The following KLF17 variants were observed in gnomAD, a reference collection of about 807,000 sequenced individuals.
The protein encoded by KLF17 is Krueppel-like factor 17.
In KLF17, 31 loss-of-function variants were observed where a neutral mutation model predicts 34.2. That is an observed-to-expected ratio of 0.91 (90% CI 0.68 to 1.22). The LOEUF is 1.22. KLF17 is among the 50% of genes most tolerant of loss of function. The pLI is 0.00. For missense variants in KLF17, 478 were observed against 505.2 expected (o/e 0.95, Z 0.52); for synonymous variants, 179 against 186.7 (o/e 0.96, Z 0.34).
At chr1:44,130,830 T>C in intron 3 of KLF17, 74 bp downstream of exon 3, 1 of 1,457,976 alleles carries the variant, frequency 6.9e-7, no homozygotes. Flanking sequence ...GGAGTCTCAC[T>C]CTGTCTCCCA....
At chr1:44,114,993 C>T (rs576655187), upstream of KLF17, 1 of 152,290 alleles carries the variant, frequency 6.6e-6, no homozygotes, top group East Asian at 1.9e-4. Context: ...AGGCAAGGGT[C>T]ACATCTCCTA....
the KLF17 span, chr1:44,052,073 C>G: frequency 2.6e-5 from 4 of 152,160 alleles, no homozygotes; most frequent in Non-Finnish European, 4.4e-5. Context: ...TTTGGGTTAC[C>G]TAGAAGTCTG....
At chr1:44,093,763 G>A in the KLF17 span, among the ~76,000 whole-genome samples, 22 of 152,330 alleles carry the variant, frequency 1.4e-4, no homozygotes, top group African/African-American at 4.8e-4. Context: ...ACCTCTGGAG[G>A]AGGGTTTGTG....
chr1:44,087,724 T>TTA, the KLF17 span, among the ~76,000 whole-genome samples: 364 of 75,426 alleles, frequency 4.8e-3, no homozygotes, highest in Middle Eastern at 7.6e-3. Flanking sequence ...CCTATATATT[T>TTA]TATATATATA....
At chr1:44,094,471 T>C in the KLF17 span, among the ~76,000 whole-genome samples, 1 of 152,184 alleles carries the variant, frequency 6.6e-6, no homozygotes, top group Non-Finnish European at 1.5e-5. Flanking sequence ...GGTTTCATAG[T>C]TTCCGGTCTT....
the KLF17 span, among the ~76,000 whole-genome samples, chr1:44,063,666 A>G: frequency 6.6e-6 from 1 of 152,236 alleles, no homozygotes; most frequent in Non-Finnish European, 1.5e-5. Flanking sequence ...ACAGCTTGAG[A>G]ATAATAACAT....
At chr1:44,100,617 G>C in the KLF17 span, among the ~76,000 whole-genome samples, 13,417 of 150,058 alleles carry the variant, frequency 0.089, 635 homozygotes, top group Non-Finnish European at 0.1. Context: ...GCACTTGGCT[G>C]TTTTGTTTTT....
chr1:44,061,390 A>G, the KLF17 span, among the ~76,000 whole-genome samples: 145 of 152,270 alleles, frequency 9.5e-4, no homozygotes, highest in East Asian at 5.8e-3. Context: ...GGCAGGACTC[A>G]ACTCTGGAGG....
intron 1 of KLF17, among the ~76,000 whole-genome samples, chr1:44,122,886 A>C (rs1005771075): frequency 6.6e-6 from 1 of 152,204 alleles, no homozygotes; most frequent in African/African-American, 2.4e-5. Flanking sequence ...GGCATGAGCC[A>C]CTGCACCTGG....
the KLF17 span, chr1:44,047,798 A>G: frequency 6.6e-6 from 1 of 152,214 alleles, no homozygotes; most frequent in African/African-American, 2.4e-5. Context: ...GGGAAGAGGA[A>G]GAATCCCTTA....
At chr1:44,099,873 G>GAAAA in the KLF17 span, among the ~76,000 whole-genome samples, 1 of 52,848 alleles carries the variant, frequency 1.9e-5, no homozygotes, top group African/African-American at 5.9e-5. Context: ...AAGAAAGAAA[G>GAAAA]AAAGAAAGAA....
the KLF17 span, among the ~76,000 whole-genome samples, chr1:44,090,328 A>G: frequency 2.1e-5 from 3 of 145,102 alleles, no homozygotes; most frequent in African/African-American, 7.4e-5. Context: ...AAAAAAAAAA[A>G]AAAAAAAAAG....
Position 44,122,439 on chromosome 1 carries a change from A to C in KLF17, c.81+3451A>C. ...ATCCACACCTGTGACTGTTCCATGGACCTGTGTTCTGTTCTTCAATGCAAT... is the reference window on the plus strand; with the variant it reads ...ATCCACACCTGTGACTGTTCCATGGCCCTGTGTTCTGTTCTTCAATGCAAT... On this transcript the variant is annotated intron_variant, in intron 1 of 3. Transcript: ENST00000372299. 3.6e-6 allele frequency: 5 copies of C among 1,380,494 alleles called. No individual in the cohort carries two copies. In the South Asian group the frequency reaches 4.6e-5, roughly 13 times the overall value. The allele number at this position is 1,380,494 out of a possible 1,614,324, so 85.5% of individuals were successfully genotyped here. A position where few individuals can be genotyped will look rare whatever the true frequency, so the allele number is the denominator to read the frequency against.
the KLF17 span, chr1:44,045,904 A>G: frequency 6.6e-6 from 1 of 151,982 alleles, no homozygotes; most frequent in Non-Finnish European, 1.5e-5. Flanking sequence ...CACATATCAC[A>G]CATAACTAAG....
chr1:44,090,442 C>T, the KLF17 span, among the ~76,000 whole-genome samples: 5 of 151,558 alleles, frequency 3.3e-5, no homozygotes, highest in Non-Finnish European at 7.4e-5. Context: ...TTTAAATTAC[C>T]TGTAAGTAGA....
chr1:44,078,073 G>A, the KLF17 span, among the ~76,000 whole-genome samples: 1 of 152,150 alleles, frequency 6.6e-6, no homozygotes, highest in Non-Finnish European at 1.5e-5. Flanking sequence ...CCTTAATGAT[G>A]ACTTTTGTTG....
At chr1:44,103,654 A>G in the KLF17 span, 1 of 1,610,292 alleles carries the variant, frequency 6.2e-7, no homozygotes, top group South Asian at 1.1e-5. Context: ...ATCAGCTCCT[A>G]GTACTCACGC....
the KLF17 span, chr1:44,043,952 C>T: frequency 6.5e-6 from 1 of 152,768 alleles, no homozygotes; most frequent in Non-Finnish European, 1.5e-5. Context: ...CTGCCTGCCC[C>T]CAGGGCTAAT....
At chr1:44,106,055 C>T in the KLF17 span, among the ~76,000 whole-genome samples, 3 of 151,904 alleles carry the variant, frequency 2.0e-5, no homozygotes, top group Admixed American at 6.6e-5. Flanking sequence ...GAAAAGCAAG[C>T]AAGCAAGCCA....
Sources: allele counts gnomAD v4.1 joint callset (sites outside exome capture counted in the v4.1 genomes callset), GRCh38; gene constraint gnomAD v4.1.1; transcripts MANE v1.5; gene names NCBI Gene and HGNC (gene_info 2026-07-23, HGNC 2026-07-21).